The following RYR2 variants were observed in gnomAD, a reference collection of about 807,000 sequenced individuals.
The protein encoded by RYR2 is cardiac muscle ryanodine receptor-calcium release channel.
Under a neutral mutation model 601.1 loss-of-function variants are expected in RYR2, and 227 were observed. That is an observed-to-expected ratio of 0.38 (90% CI 0.34 to 0.42). RYR2 has a LOEUF of 0.42. RYR2 is among the 10% of genes least tolerant of loss of function. RYR2 has a pLI of 1.00. For missense variants in RYR2, 4,646 were observed against 6,156.5 expected, an observed-to-expected ratio of 0.75 and a Z score of 8.21; for synonymous variants, 2,223 against 2,175.1, an observed-to-expected ratio of 1.02 and a Z score of -0.61.
Position 237,658,070 on chromosome 1 carries a change from G to C in RYR2, c.8208+48G>C, listed in dbSNP as rs768189106. The stretch of plus-strand genomic sequence containing the variant: ...ATTCAGTAGTCATTATTAATGACTG[G>C]TCACTGTTCAAATATTTCTGACCAT... On this transcript the variant is annotated intron_variant, in intron 54 of 104. Transcript: ENST00000366574. The C allele has an allele frequency of 8.7e-6, 9 of 1,034,540 alleles. No homozygotes were observed. The South Asian group carries it at 1.4e-4, about 16-fold the overall frequency. 64.1% of individuals were successfully genotyped at this position (1,034,540 alleles called of 1,614,324 possible).
chr1:237,323,996 A>C (rs1458790999), intron 2 of RYR2, among the ~76,000 whole-genome samples: 2 of 152,218 alleles, frequency 1.3e-5, no homozygotes, highest in Admixed American at 1.3e-4. Flanking sequence ...GAAGGGAAAA[A>C]GAACATGACA....
Position 237,106,565 on chromosome 1 carries a change from A to G in RYR2, c.48+63996A>G, listed in dbSNP as rs2148553012. On this transcript the variant is annotated intron_variant, in intron 1 of 104. Coordinates refer to ENST00000366574, the MANE Select transcript of RYR2 (RefSeq NM_001035.3). The surrounding 1 kb of genome is among the most constrained non-coding windows in gnomAD (Gnocchi z 4.4). Reference sequence around the variant, plus strand: ...TGGGGGTTTTCGCTGTCTGTCAGAGAGTCGTGGAGCTGCTGGGAGGTGGTT... The same window carrying G: ...TGGGGGTTTTCGCTGTCTGTCAGAGGGTCGTGGAGCTGCTGGGAGGTGGTT... Among the ~76,000 whole-genome samples, 1 of 152,274 alleles carries G rather than the reference A, an allele frequency of 6.6e-6. No individual in the cohort carries two copies. Among genetic ancestry groups the G allele is most frequent in the African/African-American group, 2.4e-5 (1 of 41,558 alleles).
chr1:237,432,171 C>T (rs1412626674), intron 12 of RYR2, among the ~76,000 whole-genome samples: 1 of 148,772 alleles, frequency 6.7e-6, no homozygotes, highest in East Asian at 2.0e-4. Context: ...TCCTTCCCTT[C>T]ATTCCATGTA....
intron 62 of RYR2, 59 bp downstream of exon 62, chr1:237,680,636 G>A (rs1398579010): frequency 7.2e-7 from 1 of 1,383,250 alleles, no homozygotes; most frequent in Non-Finnish European, 9.9e-7. Context: ...CAGTTGCAAA[G>A]AAAACCTGAG....
intron 1 of RYR2, among the ~76,000 whole-genome samples, chr1:237,189,424 A>T (rs1197140669): frequency 6.6e-6 from 1 of 152,176 alleles, no homozygotes; most frequent in Non-Finnish European, 1.5e-5. Flanking sequence ...GGATATAGAT[A>T]CCCATGTCGT....
intron 88 of RYR2, among the ~76,000 whole-genome samples, chr1:237,779,716 T>TAAAC (rs1333504473): frequency 6.6e-6 from 1 of 152,186 alleles, no homozygotes; most frequent in African/African-American, 2.4e-5. Flanking sequence ...ATGTCAAAGA[T>TAAAC]AAACAAAGCT....
At chr1:237,743,536 T>C in intron 80 of RYR2, 1 of 517,278 alleles carries the variant, frequency 1.9e-6, no homozygotes, top group East Asian at 5.5e-5. Context: ...ATTTATAGTC[T>C]ATCCGTTGTC....
At chr1:237,160,145 T>G (rs533127016) in intron 1 of RYR2, among the ~76,000 whole-genome samples, 1 of 152,340 alleles carries the variant, frequency 6.6e-6, no homozygotes, top group South Asian at 2.1e-4. Flanking sequence ...TGGATTAACT[T>G]TCTTAATATT....
chr1:237,270,222 C>A, intron 1 of RYR2: 1 of 557,936 alleles, frequency 1.8e-6, no homozygotes, highest in Admixed American at 2.5e-5. Context: ...TTCAGGTTGC[C>A]TCTGGGGATC....
intron 77 of RYR2, among the ~76,000 whole-genome samples, chr1:237,731,248 A>G (rs1014047820): frequency 1.5e-4 from 23 of 152,162 alleles, no homozygotes; most frequent in African/African-American, 5.1e-4. Flanking sequence ...ATTAGTTTCC[A>G]TGGCTAAGTC....
intron 1 of RYR2, among the ~76,000 whole-genome samples, chr1:237,193,007 A>T (rs934540703): frequency 6.6e-6 from 1 of 151,898 alleles, no homozygotes; most frequent in African/African-American, 2.4e-5. Context: ...TCTAAAAATT[A>T]CCTTTCTCTG....
At chr1:237,812,692 A>G (rs1661374500) in intron 100 of RYR2, among the ~76,000 whole-genome samples, 1 of 152,268 alleles carries the variant, frequency 6.6e-6, no homozygotes, top group African/African-American at 2.4e-5. Flanking sequence ...GTCATGACTG[A>G]GATGTAATAC....
At chr1:237,824,724 A>G (rs1242765264) in intron 101 of RYR2, among the ~76,000 whole-genome samples, 1 of 152,190 alleles carries the variant, frequency 6.6e-6, no homozygotes, top group Non-Finnish European at 1.5e-5. Context: ...AATTAGGAAG[A>G]AAGGAAGTCG....
At chr1:237,786,475 G>A (rs974392625) in intron 91 of RYR2, among the ~76,000 whole-genome samples, 9 of 152,182 alleles carry the variant, frequency 5.9e-5, no homozygotes, top group South Asian at 2.1e-4. Flanking sequence ...ATAGACCCAG[G>A]ACCACATGCA....
intron 1 of RYR2, among the ~76,000 whole-genome samples, chr1:237,174,114 G>C (rs985246514): frequency 2.6e-5 from 4 of 152,112 alleles, no homozygotes; most frequent in African/African-American, 9.7e-5. Context: ...TTGTTTCAAG[G>C]ATGCTTAGTT....
At chr1:237,072,265 C>T (rs1664447170) in intron 1 of RYR2, among the ~76,000 whole-genome samples, 1 of 152,248 alleles carries the variant, frequency 6.6e-6, no homozygotes, top group Non-Finnish European at 1.5e-5. Flanking sequence ...CCAGAGGGGC[C>T]ACCGCCGCCA....
At chr1:237,118,723 C>T (rs1306248285) in intron 1 of RYR2, among the ~76,000 whole-genome samples, 1 of 152,124 alleles carries the variant, frequency 6.6e-6, no homozygotes, top group Non-Finnish European at 1.5e-5. Context: ...CCTGCCTCAG[C>T]CTCCCGAGTA....
At chr1:237,107,563 T>A (rs1668876366) in intron 1 of RYR2, among the ~76,000 whole-genome samples, 1 of 149,708 alleles carries the variant, frequency 6.7e-6, no homozygotes, top group Non-Finnish European at 1.5e-5. Context: ...CTCACTTCTC[T>A]GCAGCTTTAG....
Position 237,309,683 on chromosome 1 carries a change from G to A in RYR2, c.169-21195G>A, listed in dbSNP as rs371463567. ...GACCAGGCGCCATGGAGCAGGGGGC[G>A]GCGCTTGTCGGGGAGGCTCGGACAC... On this transcript the variant is annotated intron_variant, in intron 2 of 104. Coordinates refer to ENST00000366574, the MANE Select transcript of RYR2 (RefSeq NM_001035.3). 1.4e-3 allele frequency among the ~76,000 whole-genome samples: 215 copies of A among 152,174 alleles called. 3 individuals carry two copies. Among genetic ancestry groups the A allele is most frequent in the African/African-American group, 3.7e-3 (153 of 41,434 alleles).
Sources: allele counts gnomAD v4.1 joint callset (sites outside exome capture counted in the v4.1 genomes callset), GRCh38; gene constraint gnomAD v4.1.1; non-coding constraint Gnocchi (gnomAD v3.1); transcripts MANE v1.5; gene names NCBI Gene and HGNC (gene_info 2026-07-23, HGNC 2026-07-21).